The following SCNN1B variants were observed in gnomAD, a reference collection of about 807,000 sequenced individuals.
SCNN1B encodes the protein epithelial sodium channel subunit beta.
In SCNN1B, 46 loss-of-function variants were observed where a neutral mutation model predicts 65.3. The ratio of observed to expected loss-of-function variants is 0.70; its 90% CI spans 0.56 to 0.90. The LOEUF is 0.90. SCNN1B is among the 40% of genes least tolerant of loss of function. SCNN1B has a pLI of 0.00. For missense variants in SCNN1B, 751 were observed against 830.5 expected (o/e 0.90, Z 1.18); for synonymous variants, 349 against 330.6 (o/e 1.06, Z -0.60).
intron 2 of SCNN1B, among the ~76,000 whole-genome samples, chr16:23,289,334 T>A (rs1238659069): frequency 6.6e-6 from 1 of 152,182 alleles, no homozygotes; most frequent in Non-Finnish European, 1.5e-5. Flanking sequence ...ACAGGAGGAT[T>A]GCATGAGGCC....
At chr16:23,320,934 C>A (rs1389383775) in intron 1 of SCNN1B, among the ~76,000 whole-genome samples, 2 of 152,196 alleles carry the variant, frequency 1.3e-5, no homozygotes, top group African/African-American at 4.8e-5. Context: ...CACCTAAGCC[C>A]CAGCCGGTTT....
At chr16:23,360,980 G>C (rs2142028931) in intron 4 of SCNN1B, among the ~76,000 whole-genome samples, 1 of 152,236 alleles carries the variant, frequency 6.6e-6, no homozygotes, top group East Asian at 1.9e-4. Flanking sequence ...ATTTTTAGTA[G>C]AGACAGGGTT....
upstream of SCNN1B, among the ~76,000 whole-genome samples, chr16:23,301,853 G>A (rs1316327484): frequency 6.6e-6 from 1 of 152,196 alleles, no homozygotes; most frequent in Non-Finnish European, 1.5e-5. Context: ...GGCTGCATAT[G>A]TCCCCCTAAA....
chr16:23,381,108 T>G lies in SCNN1B; in HGVS notation c.*307T>G. ...ACACCCTCTCCTGGTGGCAGGCCAC[T>G]TCCCTCCCAGTGCCAGTCTCCATCC... On this transcript the variant is annotated 3_prime_UTR_variant, in exon 13 of 13. Transcript: ENST00000343070. 3.3e-5 allele frequency: 14 copies of G among 427,876 alleles called. No homozygotes were observed. The highest frequency in any genetic ancestry group is 5.2e-5 in the Non-Finnish European group (12 of 229,328). 26.5% of individuals were successfully genotyped at this position (427,876 alleles called of 1,614,324 possible). A position where few individuals can be genotyped will look rare whatever the true frequency, so the allele number is the denominator to read the frequency against.
intron 2 of SCNN1B, among the ~76,000 whole-genome samples, chr16:23,290,108 T>G (rs1960903059): frequency 1.3e-5 from 2 of 152,230 alleles, no homozygotes; most frequent in South Asian, 2.1e-4. Context: ...CACGTCTCCG[T>G]TTTTTTCCCC....
At chr16:23,284,603 A>G (rs772651220) in intron 2 of SCNN1B, among the ~76,000 whole-genome samples, 14 of 152,152 alleles carry the variant, frequency 9.2e-5, no homozygotes, top group Non-Finnish European at 1.5e-4. Context: ...GACAAACACT[A>G]AAGTCTGTGC....
chr16:23,335,429 G>C (rs934148210), intron 1 of SCNN1B, among the ~76,000 whole-genome samples: 5 of 151,582 alleles, frequency 3.3e-5, no homozygotes, highest in African/African-American at 7.3e-5. Context: ...TGGGATTATA[G>C]GAGTGAGCCA....
At chr16:23,342,625 CTT>C (rs1160216283) in intron 1 of SCNN1B, among the ~76,000 whole-genome samples, 1 of 151,906 alleles carries the variant, frequency 6.6e-6, no homozygotes, top group African/African-American at 2.4e-5. Flanking sequence ...TCTTGGGCCA[CTT>C]ATAAAATGGA....
chr16:23,355,262 C>T (rs1962393801), intron 3 of SCNN1B, 37 bp from the exon 4 acceptor site: 2 of 1,608,976 alleles, frequency 1.2e-6, no homozygotes, highest in Non-Finnish European at 1.7e-6. Context: ...CTAGCAGCTC[C>T]CACGCCACCC....
chr16:23,357,244 C>G (rs77048859), intron 4 of SCNN1B, among the ~76,000 whole-genome samples: 1,571 of 152,326 alleles, frequency 0.01, 22 homozygotes, highest in African/African-American at 0.034. Flanking sequence ...TCCAGAACCT[C>G]TAATGAGAAT....
chr16:23,289,252 T>A (rs560377008), intron 2 of SCNN1B, among the ~76,000 whole-genome samples: 29 of 152,272 alleles, frequency 1.9e-4, no homozygotes, highest in African/African-American at 6.7e-4. Flanking sequence ...TGGCTCTGTG[T>A]GGAGACTCTA....
chr16:23,291,542 C>T (rs1455913841), intron 2 of SCNN1B, among the ~76,000 whole-genome samples: 1 of 150,936 alleles, frequency 6.6e-6, no homozygotes, highest in Non-Finnish European at 1.5e-5. Context: ...TTGTATCCTT[C>T]TAAAACATTG....
At position 23,348,528 on chromosome 16, in the gene SCNN1B, C is replaced by T; in HGVS notation, c.-8-64C>T. The T allele has an allele frequency of 6.5e-7, 1 of 1,549,006 alleles. No homozygotes were observed. The highest frequency in any genetic ancestry group is 2.3e-5 in the East Asian group (1 of 44,110). ...ACCGCCGCCCAGTTCCTGGACGTGA[C>T]TGGGACATCCTCGCAGGCAAGGCTG... On this transcript the variant is annotated intron_variant, in intron 1 of 12. Coordinates refer to ENST00000343070, the MANE Select transcript of SCNN1B (RefSeq NM_000336.3). This position sits in a 1 kb window ranked among gnomAD's most constrained non-coding sequence, Gnocchi z 4.5.
chr16:23,290,844 TAA>T (rs1374520090), intron 2 of SCNN1B, among the ~76,000 whole-genome samples: 1 of 152,190 alleles, frequency 6.6e-6, no homozygotes, highest in East Asian at 1.9e-4. Context: ...AAGTAGCAAT[TAA>T]AAGTTTCGAA....
Position 23,377,378 on chromosome 16 carries a change from G to A in SCNN1B, c.1396G>A (p.Ala466Thr), listed in dbSNP as rs767553868. Residue 466 changes from alanine to threonine, a missense_variant, in exon 10 of 13, where the codon GCC (alanine) becomes ACC (threonine). Transcript: ENST00000343070. ...TISMADWPSEASEDWIFHVLS... is the reference protein window; with the variant it reads ...TISMADWPSETSEDWIFHVLS... ...CTCCATGGCTGACTGGCCTTCTGAG[G>A]CCTCCGAGGTGAGACAGTTGGGGGC... is the stretch of plus-strand genomic sequence containing the variant. 1.9e-6 allele frequency: 3 copies of A among 1,614,170 alleles called. No homozygotes were observed. The highest frequency in any genetic ancestry group is 2.5e-6 in the Non-Finnish European group (3 of 1,180,010).
rs1168924579 is a variant in SCNN1B, at chr16:23,374,573, CAAA to C, written c.1153-1142_1153-1140del. On this transcript the variant is annotated intron_variant, in intron 7 of 12. Transcript: ENST00000343070. ...TGAGCAACAGAGCAAGACTCCATCT[CAAA>C]AAAAAAAAAAAAAAAAAAAAAAGAA... 5.0e-3 allele frequency among the ~76,000 whole-genome samples: 242 copies of C among 48,310 alleles called. 2 individuals carry two copies. The highest frequency in any genetic ancestry group is 0.014 in the African/African-American group (206 of 15,000). 31.7% of individuals were successfully genotyped at this position (48,310 alleles called of 152,430 possible).
chr16:23,285,835 A>G (rs1330030640), intron 2 of SCNN1B, among the ~76,000 whole-genome samples: 2 of 152,106 alleles, frequency 1.3e-5, no homozygotes, highest in Non-Finnish European at 2.9e-5. Context: ...TTAGCTGGGC[A>G]TGGTAGTGCA....
At chr16:23,302,846 C>T (rs1389899868) in intron 1 of SCNN1B, among the ~76,000 whole-genome samples, 2 of 152,186 alleles carry the variant, frequency 1.3e-5, no homozygotes, top group African/African-American at 4.8e-5. Flanking sequence ...CCTAACTTCG[C>T]TCACAGGGCA....
At chr16:23,307,539 C>T (rs773066456) in intron 1 of SCNN1B, among the ~76,000 whole-genome samples, 1 of 152,022 alleles carries the variant, frequency 6.6e-6, no homozygotes, top group African/African-American at 2.4e-5. Context: ...AAGCTGGTCT[C>T]GAACTCCTGA....
Sources: gnomAD v4.1 joint callset for allele counts (sites outside exome capture counted in the v4.1 genomes callset) on GRCh38, gnomAD v4.1.1 for gene constraint, Gnocchi (gnomAD v3.1) non-coding constraint, MANE v1.5 for transcripts, NCBI Gene and HGNC (gene_info 2026-07-23, HGNC 2026-07-21) for gene names.